NRG3: variants seen among roughly 807,000 people sequenced by gnomAD.
NRG3 encodes pro-neuregulin-3, membrane-bound isoform.
NRG3 carries 31 observed loss-of-function variants against 66.9 expected under a neutral mutation model. The observed-to-expected ratio is 0.46, with a 90% CI of 0.35 to 0.63. The LOEUF (loss-of-function observed/expected upper bound fraction) is 0.63, where lower values mean the gene tolerates loss of function less well. Among genes scored for constraint, NRG3 ranks in the 20% least tolerant of loss-of-function variants. The probability of loss-of-function intolerance (pLI) is 0.00; values close to 1 mark genes in which losing one functional copy is unlikely to be tolerated. For synonymous variants in NRG3, 393 were observed against 359.4 expected (o/e 1.09, Z -1.06); for missense variants, 910 against 878.9 (o/e 1.04, Z -0.45).
chr10:82,278,289 G>T (rs2078954136), intron 1 of NRG3, among the ~76,000 whole-genome samples: 1 of 151,992 alleles, frequency 6.6e-6, no homozygotes, highest in African/African-American at 2.4e-5. Flanking sequence ...ACCAGGAGAA[G>T]GTGCGTGCAG....
At chr10:82,059,283 G>A (rs2064007707) in intron 1 of NRG3, among the ~76,000 whole-genome samples, 1 of 152,130 alleles carries the variant, frequency 6.6e-6, no homozygotes, top group Admixed American at 6.5e-5. Flanking sequence ...TAGAGGGATG[G>A]GCTGATTTAG....
chr10:82,281,952 C>A (rs1336636614), intron 1 of NRG3, among the ~76,000 whole-genome samples: 1 of 152,070 alleles, frequency 6.6e-6, no homozygotes, highest in Non-Finnish European at 1.5e-5. Flanking sequence ...TTATATGTAG[C>A]CTTTTGGTAA....
At chr10:82,740,174 T>TCC (rs202112992) in intron 3 of NRG3, among the ~76,000 whole-genome samples, 1 of 150,090 alleles carries the variant, frequency 6.7e-6, no homozygotes, top group African/African-American at 2.5e-5. Context: ...CTCTTTCCCT[T>TCC]TCCCCCTTTC....
intron 2 of NRG3, among the ~76,000 whole-genome samples, chr10:82,424,149 A>G (rs962737900): frequency 8.6e-5 from 13 of 152,014 alleles, no homozygotes; most frequent in Non-Finnish European, 1.5e-5. Context: ...TCTTTTGAGC[A>G]TGTACCCTAG....
chr10:82,144,048 AG>A (rs2070040066), intron 1 of NRG3, among the ~76,000 whole-genome samples: 1 of 150,600 alleles, frequency 6.6e-6, no homozygotes, highest in East Asian at 1.9e-4. Context: ...AAAAAAGAAA[AG>A]AAAAAAAAAA....
chr10:82,097,412 ATATATATCTGTAATATATATAT>A (rs1372807568), intron 1 of NRG3, among the ~76,000 whole-genome samples: 3 of 94,760 alleles, frequency 3.2e-5, no homozygotes, highest in African/African-American at 1.5e-4. Context: ...AGATACATAT[ATATATATCTGTAATATATATAT>A]ATATATATCT....
chr10:82,696,532 T>C (rs1033789155), intron 2 of NRG3, among the ~76,000 whole-genome samples: 1 of 152,178 alleles, frequency 6.6e-6, no homozygotes, highest in Non-Finnish European at 1.5e-5. Context: ...GATTTCCGTA[T>C]TGTCTAGAGC....
intron 2 of NRG3, among the ~76,000 whole-genome samples, chr10:82,404,633 C>T (rs769504045): frequency 6.6e-6 from 1 of 152,018 alleles, no homozygotes; most frequent in Non-Finnish European, 1.5e-5. Context: ...AAAAGCTTTC[C>T]TAAGTTATGG....
chr10:81,947,088 C>T (rs912673679), intron 1 of NRG3, among the ~76,000 whole-genome samples: 10 of 152,108 alleles, frequency 6.6e-5, no homozygotes, highest in African/African-American at 2.4e-4. Context: ...GGGAAGGACA[C>T]TTTTTTTGTC....
intron 2 of NRG3, among the ~76,000 whole-genome samples, chr10:82,607,196 C>A (rs2048022338): frequency 6.6e-6 from 1 of 152,182 alleles, no homozygotes; most frequent in African/African-American, 2.4e-5. Context: ...AAATCTTCAA[C>A]TATAATAGTG....
At chr10:82,245,771 AT>A (rs569712639) in intron 1 of NRG3, among the ~76,000 whole-genome samples, 1 of 152,184 alleles carries the variant, frequency 6.6e-6, no homozygotes, top group South Asian at 2.1e-4. Flanking sequence ...AGGAATTCTC[AT>A]TTTTGAGAAG....
chr10:82,801,175 G>A (rs1019900859), intron 3 of NRG3, among the ~76,000 whole-genome samples: 31 of 152,262 alleles, frequency 2.0e-4, no homozygotes, highest in African/African-American at 6.5e-4. Flanking sequence ...GTTGCACTTC[G>A]AAGATGTGGC....
intron 2 of NRG3, among the ~76,000 whole-genome samples, chr10:82,486,286 T>C (rs959241445): frequency 1.3e-5 from 2 of 152,192 alleles, no homozygotes; most frequent in African/African-American, 2.4e-5. Context: ...ATAATTGAAA[T>C]CAGTTTTTCA....
intron 2 of NRG3, among the ~76,000 whole-genome samples, chr10:82,436,699 C>CCT (rs2090158162): frequency 6.6e-6 from 1 of 152,102 alleles, no homozygotes; most frequent in Admixed American, 6.5e-5. Context: ...GTATTTAGTG[C>CCT]TTCTTTCAGG....
intron 2 of NRG3, among the ~76,000 whole-genome samples, chr10:82,623,799 CA>C (rs2049212998): frequency 6.6e-6 from 1 of 152,110 alleles, no homozygotes. Context: ...TGGGCAAAAA[CA>C]AAAACCTCAG....
chr10:82,931,701 T>A (rs1397137800), intron 4 of NRG3, among the ~76,000 whole-genome samples: 1 of 152,198 alleles, frequency 6.6e-6, no homozygotes, highest in Non-Finnish European at 1.5e-5. Context: ...TGTTGTTTTT[T>A]AATAAAACAC....
At chr10:82,801,038 G>T (rs1180275373) in intron 3 of NRG3, among the ~76,000 whole-genome samples, 1 of 152,204 alleles carries the variant, frequency 6.6e-6, no homozygotes, top group Non-Finnish European at 1.5e-5. Flanking sequence ...AATGAGTATT[G>T]TGTTCAGATA....
At chr10:82,742,756 G>A (rs974740455) in intron 3 of NRG3, among the ~76,000 whole-genome samples, 16 of 152,212 alleles carry the variant, frequency 1.1e-4, no homozygotes, top group African/African-American at 3.6e-4. Flanking sequence ...TAAGCTTCCC[G>A]GAAGCTGACT....
intron 1 of NRG3, among the ~76,000 whole-genome samples, chr10:82,206,823 G>A (rs142772766): frequency 1.3e-5 from 2 of 152,200 alleles, no homozygotes; most frequent in East Asian, 1.9e-4. Context: ...GAAATAACAC[G>A]TTTTAAAAAT....
Sources: allele counts gnomAD v4.1 joint callset (sites outside exome capture counted in the v4.1 genomes callset), GRCh38; gene constraint gnomAD v4.1.1; transcripts MANE v1.5; gene names NCBI Gene and HGNC (gene_info 2026-07-23, HGNC 2026-07-21).